The following MCM9 variants were observed in gnomAD, a reference collection of about 807,000 sequenced individuals.
MCM9 encodes the protein minichromosome maintenance 9 homologous recombination repair factor.
A neutral mutation model predicts 72.8 loss-of-function variants in MCM9; 55 were observed. The ratio of observed to expected loss-of-function variants is 0.76; its 90% CI spans 0.61 to 0.95. MCM9 has a LOEUF of 0.95. MCM9 is among the 40% of genes least tolerant of loss of function. The probability of loss-of-function intolerance (pLI) is 0.00; values close to 1 mark genes in which losing one functional copy is unlikely to be tolerated. For synonymous variants in MCM9, 480 were observed against 503.4 expected (o/e 0.95, Z 0.62); for missense variants, 1,279 against 1,377.0 (o/e 0.93, Z 1.13).
At chr6:118,857,836 CTTTA>C (rs1052322068) in intron 8 of MCM9, among the ~76,000 whole-genome samples, 12 of 152,054 alleles carry the variant, frequency 7.9e-5, no homozygotes, top group East Asian at 7.7e-4. Flanking sequence ...TTCCATAATC[CTTTA>C]TTTGTTTTGA....
intron 6 of MCM9, among the ~76,000 whole-genome samples, chr6:118,916,870 T>C (rs907716383): frequency 1.3e-5 from 2 of 152,156 alleles, no homozygotes; most frequent in African/African-American, 4.8e-5. Flanking sequence ...GTAATCAATA[T>C]CTCTTAGATT....
At chr6:118,928,531 AC>A (rs1044650379) in intron 3 of MCM9, among the ~76,000 whole-genome samples, 3 of 152,190 alleles carry the variant, frequency 2.0e-5, no homozygotes, top group African/African-American at 7.2e-5. Flanking sequence ...CTATAAAATA[AC>A]AACAGAACCT....
chr6:118,857,781 A>AT (rs1220245414), intron 8 of MCM9, among the ~76,000 whole-genome samples: 1 of 152,084 alleles, frequency 6.6e-6, no homozygotes, highest in Non-Finnish European at 1.5e-5. Context: ...AAATAGTCAA[A>AT]TTTTTTTGAA....
intron 8 of MCM9, among the ~76,000 whole-genome samples, chr6:118,873,620 T>C (rs1383899669): frequency 6.6e-6 from 1 of 152,240 alleles, no homozygotes; most frequent in Non-Finnish European, 1.5e-5. Context: ...ACTAATGATG[T>C]TGAATCAGTA....
intron 8 of MCM9, among the ~76,000 whole-genome samples, chr6:118,888,920 G>T (rs1247997440): frequency 6.6e-6 from 1 of 152,026 alleles, no homozygotes; most frequent in Non-Finnish European, 1.5e-5. Context: ...TACTGCTTGG[G>T]GGATATGCTG....
intron 8 of MCM9, among the ~76,000 whole-genome samples, chr6:118,880,487 C>T (rs1221641898): frequency 6.6e-6 from 1 of 152,154 alleles, no homozygotes; most frequent in African/African-American, 2.4e-5. Context: ...TGTCTCTTAG[C>T]AATACAGAAA....
intron 8 of MCM9, chr6:118,894,588 C>T (rs1427196375): frequency 1.5e-6 from 2 of 1,348,820 alleles, no homozygotes; most frequent in African/African-American, 1.4e-5. Flanking sequence ...GTTTCCCGGG[C>T]CGGGCCTCGC....
At chr6:118,930,195 C>G (rs897514109) in intron 3 of MCM9, among the ~76,000 whole-genome samples, 6 of 152,272 alleles carry the variant, frequency 3.9e-5, no homozygotes, top group Admixed American at 3.3e-4. Flanking sequence ...ACTGCAAGCT[C>G]CGCCTCCTGG....
chr6:118,911,435 G>T (rs1181310435), intron 8 of MCM9: 3 of 1,282,716 alleles, frequency 2.3e-6, no homozygotes, highest in Non-Finnish European at 3.0e-6. Context: ...AAATTGAATA[G>T]GATTGTTCAA....
intron 8 of MCM9, among the ~76,000 whole-genome samples, chr6:118,890,409 C>T (rs894771648): frequency 6.6e-6 from 1 of 152,118 alleles, no homozygotes; most frequent in South Asian, 2.1e-4. Flanking sequence ...GTTTGTGAGG[C>T]TCAAAAACAG....
At chr6:118,914,821 C>T (rs1445449739) in intron 6 of MCM9, among the ~76,000 whole-genome samples, 2 of 152,166 alleles carry the variant, frequency 1.3e-5, no homozygotes, top group Non-Finnish European at 2.9e-5. Flanking sequence ...GGTAAGAGGA[C>T]AGGCTCTGGT....
intron 8 of MCM9, among the ~76,000 whole-genome samples, chr6:118,882,842 T>C (rs946755855): frequency 2.0e-5 from 3 of 151,840 alleles, no homozygotes; most frequent in Non-Finnish European, 2.9e-5. Flanking sequence ...AAAAAAAGGA[T>C]AAAAAACGAG....
chr6:118,924,550 G>A (rs1373215292), intron 3 of MCM9, among the ~76,000 whole-genome samples: 2 of 152,118 alleles, frequency 1.3e-5, no homozygotes, highest in Non-Finnish European at 1.5e-5. Flanking sequence ...GCAGCAGACC[G>A]ATAAAGAGAT....
At chr6:118,924,187 T>C (rs1781679197) in intron 3 of MCM9, 60 bp from the exon 4 acceptor site, 1 of 1,391,116 alleles carries the variant, frequency 7.2e-7, no homozygotes, top group Non-Finnish European at 9.9e-7. Context: ...CTCCAAGGGA[T>C]ATATTCTTCT....
intron 8 of MCM9, among the ~76,000 whole-genome samples, chr6:118,884,681 G>A (rs1485716640): frequency 6.6e-6 from 1 of 152,098 alleles, no homozygotes; most frequent in African/African-American, 2.4e-5. Context: ...ATCTACAAGA[G>A]GTATTTTAGA....
Position 118,856,417 on chromosome 6 carries a change from T to C in MCM9, c.1279A>G (p.Ile427Val). 6.5e-7 allele frequency: 1 copy of C among 1,535,670 alleles called. No homozygotes were observed. Among genetic ancestry groups the C allele is most frequent in the Non-Finnish European group, 8.7e-7 (1 of 1,146,892 alleles). ...GTTTGTTGCTCCATTGCTTCATGGA[T>C]ACTGGTCCTATCATGCTCTTTGAGG... ...NSLKEHDRTSIHEAMEQQTIS... is the reference protein window; with the variant it reads ...NSLKEHDRTSVHEAMEQQTIS... The change falls in exon 9 of 14, where the codon ATC becomes GTC. Residue 427 changes from isoleucine to valine, a missense_variant. Physicochemically the swap from Ile to Val is conservative, Grantham distance 29 (BLOSUM62 3). Coordinates refer to ENST00000619706, the MANE Select transcript of MCM9 (RefSeq NM_017696.3).
chr6:118,845,995 GACA>G (rs1775837964), intron 9 of MCM9, among the ~76,000 whole-genome samples: 1 of 151,656 alleles, frequency 6.6e-6, no homozygotes, highest in Non-Finnish European at 1.5e-5. Flanking sequence ...AATAATTGTA[GACA>G]ACCACTTCTC....
rs145962393 is a variant in MCM9, at chr6:118,841,516, G to A, written c.1326-12266C>T. Among the ~76,000 whole-genome samples, 780 of 152,312 alleles carry A rather than the reference G, an allele frequency of 5.1e-3. 4 individuals carry two copies. Among genetic ancestry groups the A allele is most frequent in the African/African-American group, 0.017 (725 of 41,580 alleles). ...CCTGTACAATAGCAGTGGTTCCTAA[G>A]CCAGGCAGATCAACAAGACCCAAAG... is the stretch of plus-strand genomic sequence containing the variant. On this transcript the variant is annotated intron_variant, in intron 9 of 13. Coordinates refer to ENST00000619706, the MANE Select transcript of MCM9 (RefSeq NM_017696.3).
At position 118,826,194 on chromosome 6, in the gene MCM9, C is replaced by G; in HGVS notation, c.1914G>C (p.Lys638Asn). ...YQRQCELILEKLELQSLLSEE... is the reference protein window; with the variant it reads ...YQRQCELILENLELQSLLSEE... ...CACTCAAGAGGCTCTGCAGCTCTAGCTTTTCCAGAATAAGTTCACACTGTC... is the reference window on the plus strand; with the variant it reads ...CACTCAAGAGGCTCTGCAGCTCTAGGTTTTCCAGAATAAGTTCACACTGTC... Residue 638 changes from lysine (K) to asparagine (N), a missense_variant, in exon 13 of 14, where the codon AAG becomes AAC. Lys to Asn is a moderately conservative substitution (Grantham distance 94). Transcript: ENST00000619706. The G allele has an allele frequency of 6.4e-7, 1 of 1,550,518 alleles. No homozygotes were observed. Among genetic ancestry groups the G allele is most frequent in the South Asian group, 1.2e-5 (1 of 84,050 alleles).
Sources: gnomAD v4.1 joint callset for allele counts (sites outside exome capture counted in the v4.1 genomes callset) on GRCh38, gnomAD v4.1.1 for gene constraint, MANE v1.5 for transcripts, NCBI Gene and HGNC (gene_info 2026-07-23, HGNC 2026-07-21) for gene names.